MAEA: variants seen among roughly 807,000 people sequenced by gnomAD.
MAEA encodes the protein macrophage erythroblast attacher, E3 ubiquitin ligase, also known as E3 ubiquitin-protein transferase MAEA.
In MAEA, 22 loss-of-function variants were observed where a neutral mutation model predicts 46.2. That is an observed-to-expected ratio of 0.48 (90% CI 0.34 to 0.68). The LOEUF (loss-of-function observed/expected upper bound fraction) is 0.68, where lower values mean the gene tolerates loss of function less well. Ranked by LOEUF, MAEA falls within the 30% of genes least tolerant of loss-of-function variation. The pLI, the probability that MAEA is intolerant of heterozygous loss-of-function variation, is 0.01. For synonymous variants in MAEA, 246 were observed against 222.6 expected (o/e 1.11, Z -0.94); for missense variants, 393 against 558.1 (o/e 0.70, Z 2.98).
chr4:1,328,647 C>G (rs755284967), intron 5 of MAEA: 1 of 1,274,162 alleles, frequency 7.8e-7, no homozygotes, highest in Non-Finnish European at 1.0e-6. Flanking sequence ...GCCGGGTGGC[C>G]GAGTGTTCCA....
intron 7 of MAEA, chr4:1,337,203 A>T: frequency 1.7e-6 from 1 of 587,504 alleles, no homozygotes; most frequent in Non-Finnish European, 3.0e-6. Flanking sequence ...TCACTCTGGG[A>T]AGTGGCGCGC....
chr4:1,304,330 C>T (rs1333523671), intron 1 of MAEA, among the ~76,000 whole-genome samples: 1 of 152,050 alleles, frequency 6.6e-6, no homozygotes, highest in African/African-American at 2.4e-5. Context: ...ACGGGGGTGT[C>T]TCTATGTTGC....
At chr4:1,297,614 G>A (rs73069998) in intron 1 of MAEA, among the ~76,000 whole-genome samples, 22,520 of 152,092 alleles carry the variant, frequency 0.15, 3,192 homozygotes, top group East Asian at 0.42. Context: ...TGACGCGGTC[G>A]CCTGCATCTC....
At chr4:1,308,625 G>T (rs1343179306) in intron 1 of MAEA, among the ~76,000 whole-genome samples, 1 of 152,242 alleles carries the variant, frequency 6.6e-6, no homozygotes. Flanking sequence ...GGCACGAGGT[G>T]ATGCCTCACG....
At chr4:1,297,033 GT>G (rs1734799829) in intron 1 of MAEA, among the ~76,000 whole-genome samples, 3 of 152,158 alleles carry the variant, frequency 2.0e-5, no homozygotes, top group African/African-American at 7.2e-5. Context: ...GCCATCCCGT[GT>G]AGTCACCTCC....
rs950237724 is a variant in MAEA at position 1,296,646 on chromosome 4, C to T, written c.69+6664C>T. Reference sequence around the variant, plus strand: ...CTCTCGTGAAAACCCCTTCCTTGCCCCCGTCCTCCTCCAGCTACTACTCCC... The same window carrying T: ...CTCTCGTGAAAACCCCTTCCTTGCCTCCGTCCTCCTCCAGCTACTACTCCC... On this transcript the variant is annotated intron_variant, in intron 1 of 8. Coordinates refer to ENST00000303400, the MANE Select transcript of MAEA (RefSeq NM_001017405.3). 2.6e-5 allele frequency among the ~76,000 whole-genome samples: 4 copies of T among 151,294 alleles called. 1 individual carries two copies. The highest frequency in any genetic ancestry group is 2.6e-4 in the Admixed American group (4 of 15,140).
At chr4:1,306,346 C>T (rs1030976275) in intron 1 of MAEA, among the ~76,000 whole-genome samples, 2 of 152,118 alleles carry the variant, frequency 1.3e-5, no homozygotes, top group African/African-American at 4.8e-5. Context: ...AACCTTTTCC[C>T]CATTAAAAAA....
intron 5 of MAEA, chr4:1,330,275 C>T: frequency 3.2e-6 from 1 of 316,450 alleles, no homozygotes; most frequent in Non-Finnish European, 4.5e-6. Context: ...CTCAGCCTGG[C>T]CAGGCACAGT....
intron 2 of MAEA, among the ~76,000 whole-genome samples, chr4:1,314,149 G>A (rs1006799944): frequency 1.3e-5 from 2 of 151,896 alleles, no homozygotes; most frequent in African/African-American, 2.4e-5. Flanking sequence ...CCAACATGGC[G>A]AAACCCCGTC....
intron 1 of MAEA, among the ~76,000 whole-genome samples, chr4:1,295,885 T>C (rs114981738): frequency 0.06 from 5,664 of 95,068 alleles, 384 homozygotes; most frequent in East Asian, 0.26. Context: ...CCTTCACCTG[T>C]GTCTGCACCG....
At chr4:1,332,592 C>G in intron 5 of MAEA, 165 bp from the exon 6 acceptor site, 1 of 567,814 alleles carries the variant, frequency 1.8e-6, no homozygotes, top group Non-Finnish European at 3.2e-6. Context: ...TGCTGCACAT[C>G]TGCGGTCTCA....
chr4:1,337,716 A>C (rs1577249565), intron 7 of MAEA: 1 of 167,060 alleles, frequency 6.0e-6, no homozygotes, highest in Admixed American at 6.3e-5. Flanking sequence ...CCTGTGACTG[A>C]CTCTGCCCCT....
intron 1 of MAEA, among the ~76,000 whole-genome samples, chr4:1,294,102 A>C (rs1734385171): frequency 6.6e-6 from 1 of 152,056 alleles, no homozygotes; most frequent in South Asian, 2.1e-4. Flanking sequence ...GGCTTTTTCG[A>C]TGTACTTTAT....
intron 1 of MAEA, among the ~76,000 whole-genome samples, chr4:1,300,364 G>A (rs1384965467): frequency 6.6e-6 from 1 of 152,186 alleles, no homozygotes; most frequent in Non-Finnish European, 1.5e-5. Flanking sequence ...GCTGGGCCTT[G>A]CCAGACACCA....
intron 1 of MAEA, chr4:1,309,725 C>G: frequency 1.9e-5 from 29 of 1,519,336 alleles, no homozygotes; most frequent in Non-Finnish European, 2.6e-5. Flanking sequence ...GAGCCCCTCC[C>G]CGGCCTCCTT....
intron 7 of MAEA, chr4:1,338,066 C>T: frequency 8.0e-6 from 2 of 249,712 alleles, no homozygotes; most frequent in Non-Finnish European, 1.6e-5. Context: ...CGTGCTTGCC[C>T]ACTGCCTGTT....
intron 3 of MAEA, among the ~76,000 whole-genome samples, chr4:1,316,904 G>A (rs555881370): frequency 6.9e-6 from 1 of 144,190 alleles, no homozygotes; most frequent in African/African-American, 2.6e-5. Flanking sequence ...CCCCAGCCTT[G>A]CGGCACTCCA....
intron 2 of MAEA, 39 bp from the exon 3 acceptor site, chr4:1,315,358 A>T (rs1409664016): frequency 6.3e-7 from 1 of 1,598,640 alleles, no homozygotes; most frequent in Admixed American, 1.7e-5. Flanking sequence ...GCTGCGGGGC[A>T]TCCCTGTCCT....
At position 1,334,310 on chromosome 4, in the gene MAEA, A is replaced by G. The variant is rs542773355; in HGVS notation, c.765+1445A>G. On this transcript the variant is annotated intron_variant, in intron 6 of 8. Coordinates refer to ENST00000303400, the MANE Select transcript of MAEA (RefSeq NM_001017405.3). ...GCCGGGGTGTTTCCCGGCAGCCCCC[A>G]CCTGCCACCCTGTAGGGACTGCAAA... Among the ~76,000 whole-genome samples the G allele has an allele frequency of 1.1e-3, 166 of 151,842 alleles. 2 individuals are homozygous for G. The highest frequency in any genetic ancestry group is 3.4e-3 in the Middle Eastern group (1 of 292).
Sources: gnomAD v4.1 joint callset for allele counts (sites outside exome capture counted in the v4.1 genomes callset) on GRCh38, gnomAD v4.1.1 for gene constraint, MANE v1.5 for transcripts, NCBI Gene and HGNC (gene_info 2026-07-23, HGNC 2026-07-21) for gene names.